The following CEMIP variants were observed in gnomAD, a reference collection of about 807,000 sequenced individuals.
The protein encoded by CEMIP is cell migration inducing hyaluronidase 1.
CEMIP carries 105 observed loss-of-function variants against 156.9 expected under a neutral mutation model. The ratio of observed to expected loss-of-function variants is 0.67; its 90% CI spans 0.57 to 0.79. CEMIP has a LOEUF of 0.79. Ranked by LOEUF, CEMIP falls within the 30% of genes least tolerant of loss-of-function variation. The probability of loss-of-function intolerance (pLI) is 0.00; values close to 1 mark genes in which losing one functional copy is unlikely to be tolerated. For missense variants in CEMIP, 1,457 were observed against 1,769.4 expected (o/e 0.82, Z 3.17); for synonymous variants, 676 against 668.4 (o/e 1.01, Z -0.17).
chr15:80,782,167 T>C (rs1054227861), intron 1 of CEMIP, among the ~76,000 whole-genome samples: 15 of 152,356 alleles, frequency 9.8e-5, no homozygotes, highest in Admixed American at 9.8e-4. Flanking sequence ...CTGGTTCAGA[T>C]GATCAATTTT....
chr15:80,786,556 CTGTGTGTG>C (rs3048927), intron 1 of CEMIP, among the ~76,000 whole-genome samples: 5,761 of 140,698 alleles, frequency 0.041, 140 homozygotes, highest in Non-Finnish European at 0.06. Context: ...GGATGTCTTG[CTGTGTGTG>C]TGTGTGTGTG....
chr15:80,921,834 G>C (rs1361471024), intron 16 of CEMIP, among the ~76,000 whole-genome samples, 175 bp from the exon 17 acceptor site: 1 of 152,228 alleles, frequency 6.6e-6, no homozygotes, highest in Admixed American at 6.5e-5. Flanking sequence ...ACTTTTCACT[G>C]TTTTCCCCCC....
chr15:80,868,824 G>A (rs557986432), intron 1 of CEMIP, among the ~76,000 whole-genome samples: 1 of 152,140 alleles, frequency 6.6e-6, no homozygotes, highest in Non-Finnish European at 1.5e-5. Context: ...GCAGTGCCTC[G>A]CACCTAACAG....
chr15:80,874,261 C>T (rs975272269), intron 3 of CEMIP, among the ~76,000 whole-genome samples: 3 of 152,222 alleles, frequency 2.0e-5, no homozygotes, highest in Admixed American at 1.3e-4. Context: ...GACCAGGTAG[C>T]GACTGTGGTC....
At chr15:80,827,162 A>G (rs1302745458) in intron 1 of CEMIP, among the ~76,000 whole-genome samples, 3 of 152,190 alleles carry the variant, frequency 2.0e-5, no homozygotes, top group African/African-American at 4.8e-5. Context: ...ACGTGTCCCC[A>G]GTGATGATTT....
At chr15:80,900,044 C>T (rs1260852973) in intron 12 of CEMIP, among the ~76,000 whole-genome samples, 1 of 152,152 alleles carries the variant, frequency 6.6e-6, no homozygotes, top group African/African-American at 2.4e-5. Context: ...GAGGGCATGC[C>T]AGGGAGAGGT....
At chr15:80,928,768 T>A in intron 19 of CEMIP, 134 bp from the exon 20 acceptor site, 1 of 1,125,396 alleles carries the variant, frequency 8.9e-7, no homozygotes, top group Non-Finnish European at 1.3e-6. Context: ...AGCACGACTC[T>A]GCTTATGTAG....
At chr15:80,948,167 G>A (rs1345342851) in intron 29 of CEMIP, 1 of 158,326 alleles carries the variant, frequency 6.3e-6, no homozygotes, top group African/African-American at 2.4e-5. Flanking sequence ...TCCCGGTGGT[G>A]ATAAATGCAT....
At chr15:80,786,999 A>C (rs1895956749) in intron 1 of CEMIP, among the ~76,000 whole-genome samples, 1 of 152,232 alleles carries the variant, frequency 6.6e-6, no homozygotes, top group African/African-American at 2.4e-5. Flanking sequence ...GGGCTTGAAA[A>C]GAGGAGGCAA....
At chr15:80,819,177 C>T (rs1466866906) in intron 1 of CEMIP, among the ~76,000 whole-genome samples, 1 of 152,212 alleles carries the variant, frequency 6.6e-6, no homozygotes, top group African/African-American at 2.4e-5. Context: ...AATACCCAGT[C>T]CTATTTTTAA....
At position 80,855,174 on chromosome 15, in the gene CEMIP, T is replaced by C. The variant is rs1897820644; in HGVS notation, c.-175-18364T>C. 1.3e-5 allele frequency among the ~76,000 whole-genome samples: 2 copies of C among 152,020 alleles called. 1 individual carries two copies. Among genetic ancestry groups the C allele is most frequent in the East Asian group, 3.9e-4 (2 of 5,190 alleles). On this transcript the variant is annotated intron_variant, in intron 1 of 29. Coordinates refer to ENST00000394685, the MANE Select transcript of CEMIP (RefSeq NM_001293298.2). ...TGCACTGAAGCTCTTTGAGACAGAG[T>C]GAGACACCATCTCAAAAAATAAATA... is the stretch of plus-strand genomic sequence containing the variant.
At chr15:80,808,889 C>T (rs1051830203) in intron 1 of CEMIP, among the ~76,000 whole-genome samples, 1 of 151,966 alleles carries the variant, frequency 6.6e-6, no homozygotes, top group Non-Finnish European at 1.5e-5. Context: ...TAAAAATTGT[C>T]AGTGATTTAA....
At position 80,887,695 on chromosome 15, in the gene CEMIP, C is replaced by T; in HGVS notation, c.799C>T (p.His267Tyr). ...TTGTTATGTTTTTCTTTTTTTCAGA[C>T]ACCCTTGGAGTTTTCTAACTGTGAA... ...SKHFLHLGFR[H>Y]PWSFLTVKGN... The change falls in exon 8 of 30, where the codon CAC becomes TAC. Residue 267 changes from histidine (H) to tyrosine (Y), a missense_variant and splice_region_variant. Coordinates refer to ENST00000394685, the MANE Select transcript of CEMIP (RefSeq NM_001293298.2). 1.9e-6 allele frequency: 3 copies of T among 1,610,960 alleles called. No individual in the cohort carries two copies. Among genetic ancestry groups the T allele is most frequent in the Non-Finnish European group, 2.5e-6 (3 of 1,178,936 alleles).
At chr15:80,912,283 A>G (rs1441532754) in intron 14 of CEMIP, among the ~76,000 whole-genome samples, 3 of 152,236 alleles carry the variant, frequency 2.0e-5, no homozygotes, top group Non-Finnish European at 2.9e-5. Flanking sequence ...TTCTACCCAC[A>G]GTGGAGGTGG....
In CEMIP at chr15:80,906,553, C is replaced by T. The variant is rs913663435; in HGVS notation, c.1412-110C>T. On this transcript the variant is annotated intron_variant, in intron 12 of 29. Transcript: ENST00000394685. This position sits in a 1 kb window ranked among gnomAD's most constrained non-coding sequence, Gnocchi z 4.3. ...CTGTAACATGAGACCACTGTGCACA[C>T]CAGGCATGGCGATGAGTAAGCAGCA... 3.7e-6 allele frequency: 4 copies of T among 1,095,714 alleles called. No individual in the cohort carries two copies. The Admixed American group carries it at 8.2e-5, about 23-fold the overall frequency. The allele number at this position is 1,095,714 out of a possible 1,614,324, so 67.9% of individuals were successfully genotyped here.
In CEMIP at chr15:80,932,166, G is replaced by C. The variant is rs1900943069; in HGVS notation, c.2793+127G>C. 1 of 1,067,612 alleles carries C rather than the reference G, an allele frequency of 9.4e-7. No homozygotes were observed. The highest frequency in any genetic ancestry group is 1.4e-6 in the Non-Finnish European group (1 of 710,360). The allele number at this position is 1,067,612 out of a possible 1,614,324, so 66.1% of individuals were successfully genotyped here. On this transcript the variant is annotated intron_variant, in intron 22 of 29. Coordinates refer to ENST00000394685, the MANE Select transcript of CEMIP (RefSeq NM_001293298.2). This position sits in a 1 kb window ranked among gnomAD's most constrained non-coding sequence, Gnocchi z 4.5. ...GGGTTGAGAAGCCTCCTCCAACTAG[G>C]CTGGGCCATGTCCCAGTTTGCTCTT...
intron 10 of CEMIP, among the ~76,000 whole-genome samples, chr15:80,894,626 C>T (rs920836028): frequency 6.6e-6 from 1 of 152,158 alleles, no homozygotes; most frequent in African/African-American, 2.4e-5. Flanking sequence ...GGCCGCTGTT[C>T]ATGGTGCTGG....
At chr15:80,870,627 G>C (rs1898258678) in intron 1 of CEMIP, among the ~76,000 whole-genome samples, 1 of 152,116 alleles carries the variant, frequency 6.6e-6, no homozygotes, top group Non-Finnish European at 1.5e-5. Context: ...GCAGTGAGGA[G>C]AAGCAGAGAG....
In CEMIP at chr15:80,881,445, G is replaced by C. The variant is rs571239730; in HGVS notation, c.617+309G>C. The stretch of plus-strand genomic sequence containing the variant: ...AGGGAAGACCACTTTGGATAGGGTG[G>C]TCAGGGAAAGGCAGTGTAAGGATGC... On this transcript the variant is annotated intron_variant, in intron 6 of 29. Coordinates refer to ENST00000394685, the MANE Select transcript of CEMIP (RefSeq NM_001293298.2). Among the ~76,000 whole-genome samples, 40 of 152,336 alleles carry C rather than the reference G, an allele frequency of 2.6e-4. 1 individual carries two copies. In the South Asian group the frequency reaches 6.0e-3, roughly 23 times the overall value.
Sources: gnomAD v4.1 joint callset for allele counts (sites outside exome capture counted in the v4.1 genomes callset) on GRCh38, gnomAD v4.1.1 for gene constraint, Gnocchi (gnomAD v3.1) non-coding constraint, MANE v1.5 for transcripts, NCBI Gene and HGNC (gene_info 2026-07-23, HGNC 2026-07-21) for gene names.